INPP4B: variants seen among roughly 807,000 people sequenced by gnomAD.
The protein encoded by INPP4B is inositol polyphosphate-4-phosphatase type II B, also known as inositol polyphosphate 4-phosphatase type II.
Under a neutral mutation model 122.5 loss-of-function variants are expected in INPP4B, and 55 were observed. The observed-to-expected ratio is 0.45, with a 90% CI of 0.36 to 0.56. INPP4B has a LOEUF of 0.56. Ranked by LOEUF, INPP4B falls within the 20% of genes least tolerant of loss-of-function variation. The pLI, the probability that INPP4B is intolerant of heterozygous loss-of-function variation, is 0.00. For missense variants in INPP4B, 1,000 were observed against 1,097.7 expected (o/e 0.91, Z 1.26); for synonymous variants, 403 against 388.7 (o/e 1.04, Z -0.43).
At chr4:142,479,949 C>A (rs1408229020) in intron 2 of INPP4B, among the ~76,000 whole-genome samples, 2 of 152,010 alleles carry the variant, frequency 1.3e-5, no homozygotes, top group South Asian at 2.1e-4. Flanking sequence ...TACCCCTGAA[C>A]CTAAAATAAA....
intron 2 of INPP4B, among the ~76,000 whole-genome samples, chr4:142,565,491 A>C (rs1475558225): frequency 1.3e-5 from 2 of 152,238 alleles, no homozygotes; most frequent in Non-Finnish European, 2.9e-5. Flanking sequence ...TGAATGAATG[A>C]ATAAGTAAAG....
intron 15 of INPP4B, among the ~76,000 whole-genome samples, chr4:142,187,996 A>G (rs1354376593): frequency 2.6e-5 from 4 of 152,168 alleles, no homozygotes; most frequent in Non-Finnish European, 5.9e-5. Flanking sequence ...TATGTGGGAA[A>G]AAAAGACTGG....
chr4:142,212,420 A>C (rs2149574937), intron 12 of INPP4B, among the ~76,000 whole-genome samples: 1 of 152,224 alleles, frequency 6.6e-6, no homozygotes, highest in Non-Finnish European at 1.5e-5. Context: ...TGCAGACCTA[A>C]ATCCTGATGA....
At chr4:142,265,662 CAA>C (rs566325530) in intron 10 of INPP4B, among the ~76,000 whole-genome samples, 1 of 151,980 alleles carries the variant, frequency 6.6e-6, no homozygotes, top group Non-Finnish European at 1.5e-5. Context: ...CAAAAATTTG[CAA>C]AAAAGGTCAA....
intron 2 of INPP4B, among the ~76,000 whole-genome samples, chr4:142,716,310 A>G (rs1763755157): frequency 6.6e-6 from 1 of 152,240 alleles, no homozygotes; most frequent in South Asian, 2.1e-4. Flanking sequence ...TTAATAACAT[A>G]CACATACATA....
chr4:142,650,159 CA>C (rs1394691865), intron 2 of INPP4B, among the ~76,000 whole-genome samples: 1 of 152,138 alleles, frequency 6.6e-6, no homozygotes, highest in Non-Finnish European at 1.5e-5. Flanking sequence ...TACAGACAAG[CA>C]AATGCTGAGA....
chr4:142,368,552 C>T (rs1293318832), intron 7 of INPP4B, among the ~76,000 whole-genome samples: 1 of 152,016 alleles, frequency 6.6e-6, no homozygotes, highest in Non-Finnish European at 1.5e-5. Context: ...ACCGAAGCTA[C>T]AGAGCAGTGA....
chr4:142,692,938 C>G (rs62331888), intron 2 of INPP4B, among the ~76,000 whole-genome samples: 162 of 26,284 alleles, frequency 6.2e-3, no homozygotes, highest in African/African-American at 0.012. Flanking sequence ...TAGATAGATA[C>G]ATAGATACAT....
At chr4:142,514,258 G>A (rs535557727) in intron 2 of INPP4B, 12 of 152,188 alleles carry the variant, frequency 7.9e-5, no homozygotes, top group Non-Finnish European at 1.6e-4. Context: ...CCCTCATGTG[G>A]TCTTCCTCAG....
intron 2 of INPP4B, among the ~76,000 whole-genome samples, chr4:142,563,230 T>C (rs186186216): frequency 6.6e-6 from 1 of 152,332 alleles, no homozygotes; most frequent in Admixed American, 6.5e-5. Flanking sequence ...TGTGTTTTCT[T>C]ATTGGCAACA....
chr4:142,741,437 G>T (rs1001270248), intron 1 of INPP4B, among the ~76,000 whole-genome samples: 2 of 151,806 alleles, frequency 1.3e-5, no homozygotes, highest in Admixed American at 6.6e-5. Context: ...TGAGATATCT[G>T]CCCCCATGAT....
rs185067102 is a variant in INPP4B, at chr4:142,315,067, A to G, written c.373-305T>C. Among the ~76,000 whole-genome samples, 291 of 152,294 alleles carry G rather than the reference A, an allele frequency of 1.9e-3. 8 individuals carry two copies. The highest frequency in any genetic ancestry group is 0.017 in the Admixed American group (254 of 15,298). ...GGCAATCTTCATTCAACATTCAGGG[A>G]CAGGAAAGAGCTGGTATAGAGAAAG... On this transcript the variant is annotated intron_variant, in intron 7 of 25. Transcript: ENST00000262992.
At chr4:142,533,058 A>T (rs1304966357) in intron 2 of INPP4B, among the ~76,000 whole-genome samples, 2 of 152,202 alleles carry the variant, frequency 1.3e-5, no homozygotes, top group Non-Finnish European at 2.9e-5. Flanking sequence ...CTCAGTTAAA[A>T]TAAGTGAATC....
chr4:142,485,582 AG>A (rs1821104663), intron 2 of INPP4B, among the ~76,000 whole-genome samples: 1 of 152,160 alleles, frequency 6.6e-6, no homozygotes, highest in Admixed American at 6.6e-5. Context: ...CGGAAGTAAA[AG>A]TTTAATCTCT....
chr4:142,499,015 T>A (rs896041117), intron 2 of INPP4B, among the ~76,000 whole-genome samples: 2 of 152,112 alleles, frequency 1.3e-5, no homozygotes, highest in Non-Finnish European at 2.9e-5. Flanking sequence ...AGTTTAAGAG[T>A]GGAATGCAAT....
chr4:142,494,347 A>C (rs1047167901), intron 2 of INPP4B, among the ~76,000 whole-genome samples: 8 of 152,152 alleles, frequency 5.3e-5, no homozygotes, highest in Admixed American at 3.9e-4. Context: ...AGATAATATT[A>C]TTTTTATTCT....
chr4:142,434,999 C>T (rs945570893), intron 3 of INPP4B, among the ~76,000 whole-genome samples: 8 of 152,148 alleles, frequency 5.3e-5, no homozygotes, highest in Non-Finnish European at 8.8e-5. Context: ...CAAGCTTAGG[C>T]TACAGGTTAC....
chr4:142,299,406 C>T (rs773548261), intron 9 of INPP4B, among the ~76,000 whole-genome samples: 41 of 151,934 alleles, frequency 2.7e-4, no homozygotes, highest in Non-Finnish European at 4.9e-4. Context: ...CCTCTTGCCT[C>T]GGCCTTCTAA....
intron 12 of INPP4B, among the ~76,000 whole-genome samples, chr4:142,214,856 C>A (rs1175632407): frequency 6.6e-6 from 1 of 152,162 alleles, no homozygotes; most frequent in East Asian, 1.9e-4. Flanking sequence ...CCCGACCCAG[C>A]ACATTAATTG....
Sources: allele counts gnomAD v4.1 joint callset (sites outside exome capture counted in the v4.1 genomes callset), GRCh38; gene constraint gnomAD v4.1.1; transcripts MANE v1.5; gene names NCBI Gene and HGNC (gene_info 2026-07-23, HGNC 2026-07-21).